TMTC2: variants seen among roughly 807,000 people sequenced by gnomAD.
TMTC2 encodes transmembrane O-mannosyltransferase targeting cadherins 2, also known as protein O-mannosyl-transferase TMTC2.
In TMTC2, 43 loss-of-function variants were observed where a neutral mutation model predicts 82.4. The ratio of observed to expected loss-of-function variants is 0.52; its 90% CI spans 0.41 to 0.67. The LOEUF is 0.67. Ranked by LOEUF, TMTC2 falls within the 30% of genes least tolerant of loss-of-function variation. TMTC2 has a pLI of 0.00. For synonymous variants in TMTC2, 408 were observed against 381.9 expected (o/e 1.07, Z -0.80); for missense variants, 919 against 1,012.4 (o/e 0.91, Z 1.25).
intron 1 of TMTC2, among the ~76,000 whole-genome samples, chr12:82,762,566 AAGAG>A (rs1238435103): frequency 6.6e-6 from 1 of 152,192 alleles, no homozygotes; most frequent in African/African-American, 2.4e-5. Context: ...AGAGATAAAG[AAGAG>A]AGAGTCAGCT....
chr12:83,061,361 A>G (rs999929095), intron 10 of TMTC2, among the ~76,000 whole-genome samples: 12 of 151,798 alleles, frequency 7.9e-5, no homozygotes, highest in Non-Finnish European at 1.0e-4. Flanking sequence ...AAAGTCCTGC[A>G]GATCTTTACT....
At chr12:83,038,806 A>G (rs1881772384) in intron 9 of TMTC2, among the ~76,000 whole-genome samples, 1 of 151,900 alleles carries the variant, frequency 6.6e-6, no homozygotes. Context: ...TTAGACATGC[A>G]CCCTTTTGTT....
At chr12:82,835,718 GTTCTA>G in intron 1 of TMTC2, among the ~76,000 whole-genome samples, 1 of 152,316 alleles carries the variant, frequency 6.6e-6, no homozygotes, top group East Asian at 1.9e-4. Flanking sequence ...ACTTGTTGGA[GTTCTA>G]TTGGAGACAC....
chr12:82,871,912 G>GAGAGATGTAA (rs2056474822), intron 2 of TMTC2, among the ~76,000 whole-genome samples: 1 of 151,572 alleles, frequency 6.6e-6, no homozygotes, highest in Non-Finnish European at 1.5e-5. Context: ...ACAAACACCT[G>GAGAGATGTAA]CTCTCTCAGG....
At chr12:82,824,454 G>A (rs1211801798) in intron 1 of TMTC2, among the ~76,000 whole-genome samples, 1 of 152,174 alleles carries the variant, frequency 6.6e-6, no homozygotes, top group African/African-American at 2.4e-5. Context: ...CTGGCACTTA[G>A]CATGTGCTCA....
At chr12:83,099,234 A>G (rs1884133127) in intron 11 of TMTC2, among the ~76,000 whole-genome samples, 1 of 152,194 alleles carries the variant, frequency 6.6e-6, no homozygotes, top group African/African-American at 2.4e-5. Context: ...TAAAAGCCTA[A>G]TTTCCTTCAT....
At chr12:82,774,205 A>G (rs1489619834) in intron 1 of TMTC2, among the ~76,000 whole-genome samples, 1 of 152,136 alleles carries the variant, frequency 6.6e-6, no homozygotes, top group African/African-American at 2.4e-5. Flanking sequence ...ATATATGTAC[A>G]CGTGTACACA....
At chr12:82,842,776 G>C (rs978973187) in intron 1 of TMTC2, among the ~76,000 whole-genome samples, 2 of 152,156 alleles carry the variant, frequency 1.3e-5, no homozygotes, top group African/African-American at 4.8e-5. Context: ...CTGTGTCCTA[G>C]CATGGTCTTT....
chr12:82,874,449 A>T (rs1215786323), intron 2 of TMTC2, among the ~76,000 whole-genome samples: 3 of 152,204 alleles, frequency 2.0e-5, no homozygotes, highest in South Asian at 2.1e-4. Context: ...CTTTGAAATA[A>T]TCTGATTGGA....
At chr12:82,981,599 A>T (rs1032111574) in intron 7 of TMTC2, among the ~76,000 whole-genome samples, 1 of 151,940 alleles carries the variant, frequency 6.6e-6, no homozygotes, top group Non-Finnish European at 1.5e-5. Context: ...TTCTTACAGA[A>T]TGAGAAAGGA....
chr12:82,890,106 T>C (rs1486957738), intron 2 of TMTC2, among the ~76,000 whole-genome samples: 2 of 152,224 alleles, frequency 1.3e-5, no homozygotes, highest in African/African-American at 2.4e-5. Flanking sequence ...CTGTGAAGTC[T>C]ATCTCTTTAG....
chr12:82,926,221 C>T (rs900221518), intron 3 of TMTC2, among the ~76,000 whole-genome samples: 3 of 152,124 alleles, frequency 2.0e-5, no homozygotes, highest in East Asian at 1.9e-4. Context: ...CCTCGTGATC[C>T]GCCTGCCTCA....
intron 8 of TMTC2, among the ~76,000 whole-genome samples, chr12:83,006,993 C>T (rs542078666): frequency 3.9e-5 from 6 of 152,148 alleles, no homozygotes; most frequent in Admixed American, 2.0e-4. Context: ...ATGTAAATGA[C>T]GAGTTGATGG....
intron 3 of TMTC2, among the ~76,000 whole-genome samples, chr12:82,900,723 A>G (rs1337229262): frequency 7.0e-6 from 1 of 142,590 alleles, no homozygotes; most frequent in Non-Finnish European, 1.5e-5. Context: ...ATATATATAT[A>G]TAGGAATATA....
chr12:82,944,151 G>C (rs1424206334), intron 4 of TMTC2, among the ~76,000 whole-genome samples: 1 of 152,088 alleles, frequency 6.6e-6, no homozygotes, highest in East Asian at 1.9e-4. Context: ...TGAGCTAAAG[G>C]GTATAGATTT....
At chr12:83,067,293 A>C (rs1389778064) in intron 11 of TMTC2, among the ~76,000 whole-genome samples, 1 of 151,962 alleles carries the variant, frequency 6.6e-6, no homozygotes, top group Non-Finnish European at 1.5e-5. Flanking sequence ...GGGTGGTGTA[A>C]GACTTATGCA....
intron 11 of TMTC2, among the ~76,000 whole-genome samples, chr12:83,124,142 C>T (rs1885037534): frequency 6.6e-6 from 1 of 152,142 alleles, no homozygotes; most frequent in South Asian, 2.1e-4. Context: ...ATAGTAAATG[C>T]CAAGTATGTA....
At chr12:83,007,134 T>C (rs1655597) in intron 8 of TMTC2, among the ~76,000 whole-genome samples, 138,810 of 152,058 alleles carry the variant, frequency 0.91, 63,380 homozygotes, top group South Asian at 0.97. Flanking sequence ...AAAAAAAAAT[T>C]CGAACTCTCA....
At position 82,994,038 on chromosome 12, in the gene TMTC2, A is replaced by G. The variant is rs950018966; in HGVS notation, c.2070+7992A>G. 2.0e-5 allele frequency among the ~76,000 whole-genome samples: 3 copies of G among 152,118 alleles called. No homozygotes were observed. The East Asian group carries it at 5.8e-4, about 29-fold the overall frequency. On this transcript the variant is annotated intron_variant, in intron 8 of 11. Transcript: ENST00000321196. ...CAGGGTGCTTGGGTGCTAGTGAGCC[A>G]TTTGGGGTTGACCTCATTTCTCATA... is the stretch of plus-strand genomic sequence containing the variant.
Sources: allele counts gnomAD v4.1 joint callset (sites outside exome capture counted in the v4.1 genomes callset), GRCh38; gene constraint gnomAD v4.1.1; transcripts MANE v1.5; gene names NCBI Gene and HGNC (gene_info 2026-07-23, HGNC 2026-07-21).